Variants in ATXN2 observed in about 807,000 individuals in gnomAD.
ATXN2 encodes ataxin-2.
Under a neutral mutation model 138.6 loss-of-function variants are expected in ATXN2, and 37 were observed. The observed-to-expected ratio is 0.27, with a 90% confidence interval of 0.21 to 0.35. ATXN2 has a LOEUF of 0.35. Among genes scored for constraint, ATXN2 ranks in the 10% least tolerant of loss-of-function variants. The pLI is 1.00. For missense variants in ATXN2, 1,216 were observed against 1,480.3 expected (o/e 0.82, Z 2.93); for synonymous variants, 549 against 543.7 (o/e 1.01, Z -0.13).
intron 5 of ATXN2, among the ~76,000 whole-genome samples, chr12:111,551,126 G>C (rs1054698171): frequency 6.6e-5 from 10 of 151,966 alleles, no homozygotes; most frequent in African/African-American, 2.2e-4. Flanking sequence ...GTGAAACCCT[G>C]TCTCTACAAA....
At chr12:111,503,461 A>G (rs1878908213) in intron 14 of ATXN2, among the ~76,000 whole-genome samples, 1 of 152,234 alleles carries the variant, frequency 6.6e-6, no homozygotes, top group African/African-American at 2.4e-5. Flanking sequence ...AGCATGAAGA[A>G]CAGCATCTGG....
At chr12:111,463,047 CA>C (rs967328601) in intron 21 of ATXN2, among the ~76,000 whole-genome samples, 2 of 151,604 alleles carry the variant, frequency 1.3e-5, no homozygotes, top group African/African-American at 4.9e-5. Flanking sequence ...GATACCAAGT[CA>C]TGGCATAATT....
chr12:111,562,299 T>C (rs1469964678), intron 1 of ATXN2, among the ~76,000 whole-genome samples: 2 of 152,078 alleles, frequency 1.3e-5, no homozygotes, highest in Non-Finnish European at 2.9e-5. Flanking sequence ...TCAGGTGTTA[T>C]GCAGGTGCCT....
chr12:111,596,337 CAAAAT>C (rs952252521), intron 1 of ATXN2, among the ~76,000 whole-genome samples: 10 of 149,850 alleles, frequency 6.7e-5, no homozygotes, highest in African/African-American at 2.5e-4. Flanking sequence ...TAACAAAGAA[CAAAAT>C]AAATCACTTC....
intron 5 of ATXN2, among the ~76,000 whole-genome samples, chr12:111,541,335 CA>C (rs1881491612): frequency 7.2e-6 from 1 of 138,016 alleles, no homozygotes; most frequent in Admixed American, 7.8e-5. Flanking sequence ...GCCACTGTGA[CA>C]GTTATAATTC....
intron 6 of ATXN2, among the ~76,000 whole-genome samples, chr12:111,522,114 TA>T (rs141647274): frequency 0.01 from 1,547 of 151,670 alleles, 23 homozygotes; most frequent in African/African-American, 0.036. Flanking sequence ...CTACTCCAGG[TA>T]AGACTATAAT....
chr12:111,536,154 G>A (rs1015754190), intron 5 of ATXN2, among the ~76,000 whole-genome samples: 5 of 152,142 alleles, frequency 3.3e-5, no homozygotes, highest in Non-Finnish European at 7.3e-5. Context: ...TCTAATAAAA[G>A]CAATGTCTAA....
At chr12:111,486,971 TAC>T (rs1877684477) in intron 15 of ATXN2, 147 bp from the exon 16 acceptor site, 4 of 651,188 alleles carry the variant, frequency 6.1e-6, no homozygotes, top group Non-Finnish European at 7.8e-6. Context: ...TTGAAACATA[TAC>T]ACTTATATTG....
At chr12:111,566,929 T>C (rs1883046850) in intron 1 of ATXN2, among the ~76,000 whole-genome samples, 1 of 152,124 alleles carries the variant, frequency 6.6e-6, no homozygotes, top group Non-Finnish European at 1.5e-5. Flanking sequence ...TGAGCCACCG[T>C]GCCCAACCAG....
chr12:111,529,696 AAC>A (rs2135753110), intron 5 of ATXN2, among the ~76,000 whole-genome samples: 1 of 152,322 alleles, frequency 6.6e-6, no homozygotes, highest in Admixed American at 6.5e-5. Context: ...ATACCCAGGA[AAC>A]AGAGTACATA....
chr12:111,538,389 C>CT (rs11421677), intron 5 of ATXN2, among the ~76,000 whole-genome samples: 15,119 of 146,962 alleles, frequency 0.1, 2,496 homozygotes, highest in African/African-American at 0.35. Context: ...AATTAGTAAC[C>CT]TTTTTTTTTT....
At chr12:111,595,935 C>T (rs556166603) in intron 1 of ATXN2, among the ~76,000 whole-genome samples, 5 of 145,906 alleles carry the variant, frequency 3.4e-5, no homozygotes, top group African/African-American at 1.1e-4. Context: ...CAGTAGCTCA[C>T]GCCTGTAATC....
Position 111,510,578 on chromosome 12 carries a change from T to C in ATXN2, c.1563A>G (p.Pro521=). 6.2e-7 allele frequency: 1 copy of C among 1,604,914 alleles called. No individual in the cohort carries two copies. Among genetic ancestry groups the C allele is most frequent in the Admixed American group, 1.7e-5 (1 of 58,756 alleles). The change falls in exon 12 of 25, where the codon CCA becomes CCG. Residue 521 remains proline, a synonymous_variant. Coordinates refer to ENST00000673436, the MANE Select transcript of ATXN2 (RefSeq NM_001372574.1). ...GTWSSVVSGV[P]RLSPKTHRPR... ...GTCTATGAGTTTTAGGGGATAATCT[T>C]GGAACTAGAAGAAAGGGAAAATGTA...
chr12:111,458,476 G>C (rs1248255869), intron 21 of ATXN2: 2 of 152,222 alleles, frequency 1.3e-5, no homozygotes, highest in Non-Finnish European at 2.9e-5. Context: ...AGCAGAGTAG[G>C]ATGTGTTCAC....
chr12:111,598,652 G>A lies in ATXN2; in HGVS notation c.251+132C>T. 2.2e-6 allele frequency: 2 copies of A among 906,720 alleles called. No individual in the cohort carries two copies. Among genetic ancestry groups the A allele is most frequent in the Non-Finnish European group, 2.7e-6 (2 of 754,430 alleles). 56.2% of individuals were successfully genotyped at this position (906,720 alleles called of 1,614,324 possible). A position where few individuals can be genotyped will look rare whatever the true frequency, so the allele number is the denominator to read the frequency against. On this transcript the variant is annotated intron_variant, in intron 1 of 24. Coordinates refer to ENST00000673436, the MANE Select transcript of ATXN2 (RefSeq NM_001372574.1). This position sits in a 1 kb window ranked among gnomAD's most constrained non-coding sequence, Gnocchi z 4.5. ...AGCCTCGGGGCTCAGGCCCGAGCGA[G>A]TCTCCCCCGCGCTGCCGGCCCCCAG...
At chr12:111,455,300 A>G (rs1370865166) in intron 23 of ATXN2, 8 of 581,794 alleles carry the variant, frequency 1.4e-5, no homozygotes, top group Non-Finnish European at 1.3e-5. Context: ...TCATTAAGAC[A>G]ATCCCCTGGG....
At chr12:111,584,504 C>T (rs746199801) in intron 1 of ATXN2, among the ~76,000 whole-genome samples, 38 of 150,228 alleles carry the variant, frequency 2.5e-4, no homozygotes, top group Non-Finnish European at 3.7e-4. Context: ...AATTACAATG[C>T]GGTATATATA....
rs945780634 is a variant in ATXN2, at chr12:111,452,459, T to C, written c.*353A>G. Reference sequence around the variant, plus strand: ...TTTTTTTTTTTTTTTTTAGCAGTAATAGCAGCAAGAATCACTCTTGTTACT... The same window carrying C: ...TTTTTTTTTTTTTTTTTAGCAGTAACAGCAGCAAGAATCACTCTTGTTACT... On this transcript the variant is annotated 3_prime_UTR_variant, in exon 25 of 25. Transcript: ENST00000673436. The C allele has an allele frequency of 6.1e-6, 1 of 163,250 alleles. No homozygotes were observed. The highest frequency in any genetic ancestry group is 6.7e-5 in the Admixed American group (1 of 14,936). The allele number at this position is 163,250 out of a possible 1,614,324, so 10.1% of individuals were successfully genotyped here. A position where few individuals can be genotyped will look rare whatever the true frequency, so the allele number is the denominator to read the frequency against.
At chr12:111,510,072 T>C in intron 12 of ATXN2, 74 bp from the exon 13 acceptor site, 1 of 1,097,756 alleles carries the variant, frequency 9.1e-7, no homozygotes, top group South Asian at 1.5e-5. Flanking sequence ...ACAATAATTT[T>C]GATTTCCTAT....
Sources: gnomAD v4.1 joint callset for allele counts (sites outside exome capture counted in the v4.1 genomes callset) on GRCh38, gnomAD v4.1.1 for gene constraint, Gnocchi (gnomAD v3.1) non-coding constraint, MANE v1.5 for transcripts, NCBI Gene and HGNC (gene_info 2026-07-23, HGNC 2026-07-21) for gene names.